BMPER: variants seen among roughly 807,000 people sequenced by gnomAD.
The protein encoded by BMPER is BMP binding endothelial regulator.
Under a neutral mutation model 87.3 loss-of-function variants are expected in BMPER, and 45 were observed. That is an observed-to-expected ratio of 0.52 (90% CI 0.41 to 0.66). The LOEUF (loss-of-function observed/expected upper bound fraction) is 0.66. Ranked by LOEUF, BMPER falls within the 30% of genes least tolerant of loss-of-function variation. The pLI is 0.00. For synonymous variants in BMPER, 326 were observed against 316.2 expected (o/e 1.03, Z -0.33); for missense variants, 784 against 867.5 (o/e 0.90, Z 1.21).
At chr7:33,970,206 C>G in intron 4 of BMPER, 123 bp from the exon 5 acceptor site, 1 of 925,262 alleles carries the variant, frequency 1.1e-6, no homozygotes, top group Non-Finnish European at 1.8e-6. Context: ...ACCTCTCGCC[C>G]TGACACCCAC....
At chr7:34,046,692 A>G (rs1174365021) in intron 7 of BMPER, among the ~76,000 whole-genome samples, 1 of 152,194 alleles carries the variant, frequency 6.6e-6, no homozygotes. Context: ...CAAAGAAACT[A>G]TCTTTAATAG....
intron 13 of BMPER, among the ~76,000 whole-genome samples, chr7:34,100,085 A>C (rs1789639770): frequency 6.6e-6 from 1 of 151,964 alleles, no homozygotes; most frequent in Non-Finnish European, 1.5e-5. Context: ...TTATATAAAT[A>C]TTTTTTGAGC....
chr7:34,126,344 G>T (rs1407371684), intron 13 of BMPER, among the ~76,000 whole-genome samples: 10 of 152,204 alleles, frequency 6.6e-5, no homozygotes, highest in Non-Finnish European at 5.9e-5. Context: ...CTCATCTGGG[G>T]ACTTGTGGAC....
chr7:34,153,024 C>G, intron 14 of BMPER, 68 bp from the exon 15 acceptor site: 1 of 1,570,306 alleles, frequency 6.4e-7, no homozygotes, highest in Non-Finnish European at 8.8e-7. Context: ...GCAAGAACGG[C>G]ATCTGGCTGA....
At chr7:33,952,818 C>T (rs912208345) in intron 3 of BMPER, among the ~76,000 whole-genome samples, 3 of 152,126 alleles carry the variant, frequency 2.0e-5, no homozygotes, top group Admixed American at 1.3e-4. Context: ...AGAGGAACCT[C>T]ATCTTAGAGC....
In BMPER at chr7:34,143,355, G is replaced by A; in HGVS notation, c.1871G>A (p.Cys624Tyr). 1 of 1,613,884 alleles carries A rather than the reference G, an allele frequency of 6.2e-7. No individual in the cohort carries two copies. The highest frequency in any genetic ancestry group is 2.2e-5 in the East Asian group (1 of 44,876). ...IKVHWEPQQN[C>Y]AATQCKHGAV... ...GTCCACTGGGAGCCTCAGCAGAATT[G>A]TGCAGGTAAGAAAGTCCTGCTGGAT... Residue 624 changes from cysteine to tyrosine, a missense_variant, in exon 14 of 15, where the codon TGT (cysteine) becomes TAT (tyrosine). Cys to Tyr is a radical substitution (Grantham distance 194). Transcript: ENST00000649409.
chr7:34,014,178 C>T (rs1405118683), intron 6 of BMPER, among the ~76,000 whole-genome samples: 2 of 151,810 alleles, frequency 1.3e-5, no homozygotes, highest in African/African-American at 4.8e-5. Context: ...ATCATAGCAC[C>T]TACAAAAAAG....
chr7:33,932,943 C>T (rs2128607850), intron 2 of BMPER, among the ~76,000 whole-genome samples: 1 of 152,320 alleles, frequency 6.6e-6, no homozygotes, highest in East Asian at 1.9e-4. Context: ...CTCCGCCCTA[C>T]GCTCATGGGA....
At chr7:34,120,538 A>T (rs1233481938) in intron 13 of BMPER, among the ~76,000 whole-genome samples, 1 of 152,120 alleles carries the variant, frequency 6.6e-6, no homozygotes, top group Non-Finnish European at 1.5e-5. Context: ...AGCTGGAATT[A>T]CAGGCGTGCA....
At chr7:34,078,752 G>C in intron 11 of BMPER, 105 bp from the exon 12 acceptor site, 1 of 1,170,208 alleles carries the variant, frequency 8.5e-7, no homozygotes, top group East Asian at 2.3e-5. Context: ...ATTTCCCTTA[G>C]TGCATTTCTG....
At chr7:33,923,320 C>T (rs1458043652) in intron 2 of BMPER, among the ~76,000 whole-genome samples, 2 of 152,200 alleles carry the variant, frequency 1.3e-5, no homozygotes, top group African/African-American at 2.4e-5. Context: ...TCCCCTCCGC[C>T]ACACACACCC....
chr7:33,938,357 A>G lies in BMPER; in HGVS notation c.319+969A>G, dbSNP rs554099177. Reference sequence around the variant, plus strand: ...CCTTGTTTGGAACTAGGCCCTTTGCAGATATAGTTAATTAAGATGAAGTCA... The same window carrying G: ...CCTTGTTTGGAACTAGGCCCTTTGCGGATATAGTTAATTAAGATGAAGTCA... On this transcript the variant is annotated intron_variant, in intron 3 of 14. Coordinates refer to ENST00000649409, the MANE Select transcript of BMPER (RefSeq NM_001365308.1). Among the ~76,000 whole-genome samples, 4 of 152,310 alleles carry G rather than the reference A, an allele frequency of 2.6e-5. No homozygotes were observed. In the East Asian group the frequency reaches 5.8e-4, roughly 22 times the overall value.
chr7:33,921,907 G>T (rs1485723517), intron 2 of BMPER: 2 of 464,086 alleles, frequency 4.3e-6, no homozygotes, highest in East Asian at 7.0e-5. Flanking sequence ...GCGGGATCCA[G>T]CTCCCCACTT....
intron 7 of BMPER, among the ~76,000 whole-genome samples, chr7:34,049,033 AG>A (rs1254492176): frequency 6.6e-6 from 1 of 152,212 alleles, no homozygotes; most frequent in Admixed American, 6.5e-5. Flanking sequence ...ATTAGACTTT[AG>A]ATGATTGGGT....
chr7:34,146,934 A>G (rs1791043396), intron 14 of BMPER, among the ~76,000 whole-genome samples: 1 of 152,180 alleles, frequency 6.6e-6, no homozygotes, highest in Non-Finnish European at 1.5e-5. Flanking sequence ...GTTACTCGGT[A>G]CCTTCTGACT....
chr7:33,982,832 A>G (rs1286569011), intron 6 of BMPER, among the ~76,000 whole-genome samples: 1 of 152,232 alleles, frequency 6.6e-6, no homozygotes, highest in Non-Finnish European at 1.5e-5. Context: ...TGCCTACCAC[A>G]GTCATTGATC....
At chr7:33,908,634 A>T (rs1314077144) in intron 2 of BMPER, among the ~76,000 whole-genome samples, 1 of 152,232 alleles carries the variant, frequency 6.6e-6, no homozygotes, top group Non-Finnish European at 1.5e-5. Context: ...AATTAAATTC[A>T]GAAGGGCAGT....
At chr7:33,905,086 C>T, upstream of BMPER, 1 of 168,814 alleles carries the variant, frequency 5.9e-6, no homozygotes, top group Admixed American at 6.0e-5. Flanking sequence ...GAGCCCACGT[C>T]TGTTGCGGCG....
At chr7:34,037,655 T>G (rs1292943911) in intron 6 of BMPER, among the ~76,000 whole-genome samples, 1 of 152,224 alleles carries the variant, frequency 6.6e-6, no homozygotes, top group Admixed American at 6.5e-5. Flanking sequence ...AAGACTGGCA[T>G]AGCGCCCCTG....
Sources: allele counts gnomAD v4.1 joint callset (sites outside exome capture counted in the v4.1 genomes callset), GRCh38; gene constraint gnomAD v4.1.1; transcripts MANE v1.5; gene names NCBI Gene and HGNC (gene_info 2026-07-23, HGNC 2026-07-21).